Variants in GRM5 observed in about 807,000 individuals in gnomAD.
GRM5 encodes glutamate metabotropic receptor 5.
Under a neutral mutation model 83.1 loss-of-function variants are expected in GRM5, and 19 were observed. That is an observed-to-expected ratio of 0.23 (90% CI 0.16 to 0.34). The LOEUF (loss-of-function observed/expected upper bound fraction) is 0.34. Among genes scored for constraint, GRM5 ranks in the 10% least tolerant of loss-of-function variants. GRM5 has a pLI of 1.00. For missense variants in GRM5, 1,160 were observed against 1,588.3 expected (o/e 0.73, Z 4.58); for synonymous variants, 675 against 633.6 (o/e 1.07, Z -0.98).
Position 88,573,925 on chromosome 11 carries a change from C to A in GRM5, c.1691-5933G>T, listed in dbSNP as rs1943055310. On this transcript the variant is annotated intron_variant, in intron 7 of 9. Coordinates refer to ENST00000305447, the MANE Select transcript of GRM5 (RefSeq NM_001143831.3). ...TATCCCTGATCCTTTAATATTTTTT[C>A]TTTACTTAGCCTGAGCTAAAGTTTT... Among the ~76,000 whole-genome samples the A allele has an allele frequency of 1.3e-5, 2 of 152,138 alleles. 1 individual carries two copies. The highest frequency in any genetic ancestry group is 4.1e-4 in the South Asian group (2 of 4,834).
chr11:88,899,496 A>G (rs748451310), intron 2 of GRM5, among the ~76,000 whole-genome samples: 1 of 152,026 alleles, frequency 6.6e-6, no homozygotes, highest in African/African-American at 2.4e-5. Context: ...AAGAACTGAG[A>G]ACAGTAATTT....
intron 3 of GRM5, among the ~76,000 whole-genome samples, chr11:88,845,736 C>A (rs1305450433): frequency 6.7e-6 from 1 of 148,610 alleles, no homozygotes; most frequent in Non-Finnish European, 1.5e-5. Flanking sequence ...CCCCCCCCCA[C>A]TTTTTATATG....
At chr11:88,851,324 T>C (rs995675324) in intron 2 of GRM5, among the ~76,000 whole-genome samples, 5 of 152,168 alleles carry the variant, frequency 3.3e-5, no homozygotes, top group Admixed American at 1.3e-4. Context: ...ATAACCAAGC[T>C]GTAGAACATA....
chr11:88,703,183 C>T (rs779014153), intron 3 of GRM5, among the ~76,000 whole-genome samples: 1 of 152,004 alleles, frequency 6.6e-6, no homozygotes, highest in Non-Finnish European at 1.5e-5. Context: ...GGTCCTCTCC[C>T]CAGATAACCC....
chr11:88,749,871 T>C (rs562568954), intron 3 of GRM5, among the ~76,000 whole-genome samples: 45 of 151,076 alleles, frequency 3.0e-4, no homozygotes, highest in African/African-American at 9.7e-4. Context: ...AATTTTTTTT[T>C]GAGACAAGCA....
chr11:88,622,051 A>G (rs1938651551), intron 4 of GRM5, among the ~76,000 whole-genome samples: 1 of 151,724 alleles, frequency 6.6e-6, no homozygotes, highest in Non-Finnish European at 1.5e-5. Flanking sequence ...CCAATGGTGC[A>G]AATTTTGTAG....
chr11:88,747,968 T>G (rs1942178742), intron 3 of GRM5, among the ~76,000 whole-genome samples: 1 of 152,092 alleles, frequency 6.6e-6, no homozygotes, highest in African/African-American at 2.4e-5. Flanking sequence ...TGGGATTGAC[T>G]AGGCAAACAA....
At chr11:88,888,066 C>T (rs1392092999) in intron 2 of GRM5, among the ~76,000 whole-genome samples, 1 of 152,130 alleles carries the variant, frequency 6.6e-6, no homozygotes, top group Non-Finnish European at 1.5e-5. Context: ...ATTTTCCATT[C>T]CATCACCTTC....
At chr11:88,863,801 A>G (rs758253094) in intron 2 of GRM5, among the ~76,000 whole-genome samples, 2 of 151,966 alleles carry the variant, frequency 1.3e-5, no homozygotes, top group African/African-American at 4.8e-5. Context: ...AAAATTTAAC[A>G]TTTCTCTTAC....
Position 88,549,788 on chromosome 11 carries a change from A to G in GRM5, c.2630+17265T>C, listed in dbSNP as rs17829791. On this transcript the variant is annotated intron_variant, in intron 8 of 9. Transcript: ENST00000305447. ...TGTGAGCCATGTGAAAGAGTTTTAG[A>G]TTTTTATATTCTAAGGCATGTATAC... 9.2e-3 allele frequency among the ~76,000 whole-genome samples: 1,393 copies of G among 152,132 alleles called. 10 individuals carry two copies. The highest frequency in any genetic ancestry group is 0.053 in the South Asian group (253 of 4,810).
intron 3 of GRM5, among the ~76,000 whole-genome samples, chr11:88,659,832 T>A (rs1250784755): frequency 2.6e-5 from 4 of 152,206 alleles, no homozygotes; most frequent in Non-Finnish European, 5.9e-5. Context: ...CCAAATAATT[T>A]AAAAATCTAT....
chr11:88,798,529 C>A (rs779520566), intron 3 of GRM5, among the ~76,000 whole-genome samples: 18 of 151,958 alleles, frequency 1.2e-4, no homozygotes, highest in Non-Finnish European at 1.8e-4. Flanking sequence ...TGTGGGGCAG[C>A]GATCAAGGCA....
At chr11:88,788,892 A>G (rs1943121254) in intron 3 of GRM5, among the ~76,000 whole-genome samples, 1 of 152,144 alleles carries the variant, frequency 6.6e-6, no homozygotes, top group Admixed American at 6.6e-5. Flanking sequence ...GTGAAGGATG[A>G]ACGCCTCCTC....
chr11:88,858,181 A>T (rs1173311069), intron 2 of GRM5, among the ~76,000 whole-genome samples: 2 of 152,034 alleles, frequency 1.3e-5, no homozygotes, highest in African/African-American at 2.4e-5. Flanking sequence ...GAAGGATCTC[A>T]TTTAGAAAAT....
intron 3 of GRM5, among the ~76,000 whole-genome samples, chr11:88,829,549 T>C (rs1943950106): frequency 6.6e-6 from 1 of 152,142 alleles, no homozygotes; most frequent in Non-Finnish European, 1.5e-5. Context: ...TCTAAAATGA[T>C]ATAATAGTAT....
chr11:88,837,394 A>G (rs542119185), intron 3 of GRM5, among the ~76,000 whole-genome samples: 1 of 152,336 alleles, frequency 6.6e-6, no homozygotes, highest in East Asian at 1.9e-4. Context: ...AGTTAATAAT[A>G]ATAGCTTACA....
At chr11:88,830,583 GAGTA>G (rs1349158082) in intron 3 of GRM5, among the ~76,000 whole-genome samples, 1 of 152,168 alleles carries the variant, frequency 6.6e-6, no homozygotes, top group Non-Finnish European at 1.5e-5. Context: ...TGTGGGGAAA[GAGTA>G]AGTGAGTGAC....
chr11:88,870,195 C>T (rs1200094491), intron 2 of GRM5, among the ~76,000 whole-genome samples: 1 of 151,278 alleles, frequency 6.6e-6, no homozygotes, highest in Non-Finnish European at 1.5e-5. Flanking sequence ...TTTTCTGAAT[C>T]ATAGGGCCCA....
intron 3 of GRM5, 86 bp downstream of exon 3, chr11:88,849,820 A>T: frequency 7.7e-7 from 1 of 1,295,048 alleles, no homozygotes; most frequent in Non-Finnish European, 1.1e-6. Flanking sequence ...CTTTGAAAGA[A>T]TTTTTTATCA....
Sources: gnomAD v4.1 joint callset for allele counts (sites outside exome capture counted in the v4.1 genomes callset) on GRCh38, gnomAD v4.1.1 for gene constraint, MANE v1.5 for transcripts, NCBI Gene and HGNC (gene_info 2026-07-23, HGNC 2026-07-21) for gene names.